PTPRT: variants seen among roughly 807,000 people sequenced by gnomAD.
The protein encoded by PTPRT is protein tyrosine phosphatase receptor type T.
A neutral mutation model predicts 176.8 loss-of-function variants in PTPRT; 56 were observed. That is an observed-to-expected ratio of 0.32 (90% CI 0.26 to 0.40). The LOEUF (loss-of-function observed/expected upper bound fraction) is 0.40. Ranked by LOEUF, PTPRT falls within the 10% of genes least tolerant of loss-of-function variation. PTPRT has a pLI of 1.00. For missense variants in PTPRT, 1,540 were observed against 1,908.2 expected, an observed-to-expected ratio of 0.81 and a Z score of 3.60; for synonymous variants, 783 against 739.0, an observed-to-expected ratio of 1.06 and a Z score of -0.96.
chr20:42,265,974 C>T (rs2056832591), intron 13 of PTPRT, among the ~76,000 whole-genome samples: 1 of 152,076 alleles, frequency 6.6e-6, no homozygotes, highest in African/African-American at 2.4e-5. Flanking sequence ...TAAAGAATTT[C>T]CAGCGAAATA....
chr20:42,518,164 C>T (rs996162355), intron 7 of PTPRT, among the ~76,000 whole-genome samples: 1 of 151,880 alleles, frequency 6.6e-6, no homozygotes, highest in African/African-American at 2.4e-5. Context: ...TGACTTTTGT[C>T]GGTATATTAA....
intron 9 of PTPRT, among the ~76,000 whole-genome samples, chr20:42,390,240 G>A (rs980854685): frequency 3.9e-5 from 6 of 152,154 alleles, no homozygotes; most frequent in Admixed American, 1.3e-4. Flanking sequence ...GAATCAACAC[G>A]TAGTAAAAGA....
intron 9 of PTPRT, among the ~76,000 whole-genome samples, chr20:42,371,062 A>G (rs1030667954): frequency 6.6e-6 from 1 of 152,206 alleles, no homozygotes; most frequent in Non-Finnish European, 1.5e-5. Flanking sequence ...ATGTGCCACA[A>G]TGGCTTTTAA....
intron 7 of PTPRT, among the ~76,000 whole-genome samples, chr20:42,634,383 T>A (rs570506953): frequency 6.6e-6 from 1 of 150,906 alleles, no homozygotes; most frequent in Non-Finnish European, 1.5e-5. Flanking sequence ...ATGATAGAGA[T>A]GACAGAGCTA....
At chr20:42,795,344 G>C (rs1043742135) in intron 2 of PTPRT, among the ~76,000 whole-genome samples, 3 of 152,168 alleles carry the variant, frequency 2.0e-5, no homozygotes, top group Non-Finnish European at 4.4e-5. Flanking sequence ...ATAATGCCTT[G>C]ATAAGCGCCT....
chr20:42,674,206 A>G (rs2146048804), intron 7 of PTPRT, among the ~76,000 whole-genome samples: 1 of 152,318 alleles, frequency 6.6e-6, no homozygotes, highest in African/African-American at 2.4e-5. Context: ...GCGATGCAGG[A>G]AGGAAGATTA....
chr20:42,707,566 C>A (rs189291436), intron 6 of PTPRT, among the ~76,000 whole-genome samples: 2 of 152,258 alleles, frequency 1.3e-5, no homozygotes, highest in Admixed American at 6.5e-5. Context: ...TGTGTGGCCT[C>A]TAGGAGCTGA....
At chr20:42,508,137 G>GTGTGTGTGTGTGTC (rs2080412668) in intron 7 of PTPRT, among the ~76,000 whole-genome samples, 7 of 150,670 alleles carry the variant, frequency 4.6e-5, no homozygotes, top group Non-Finnish European at 8.8e-5. Context: ...TTGTGTGTGT[G>GTGTGTGTGTGTGTC]TGTGTGTGTG....
intron 8 of PTPRT, among the ~76,000 whole-genome samples, chr20:42,466,921 G>A (rs556626218): frequency 6.6e-6 from 1 of 152,168 alleles, no homozygotes; most frequent in Non-Finnish European, 1.5e-5. Context: ...GAAGACTAAT[G>A]AGAACATGTC....
At chr20:42,967,914 G>C (rs1336457605) in intron 1 of PTPRT, among the ~76,000 whole-genome samples, 1 of 152,098 alleles carries the variant, frequency 6.6e-6, no homozygotes, top group East Asian at 1.9e-4. Flanking sequence ...AACCCAATGA[G>C]GGACATCAGG....
Position 43,189,863 on chromosome 20 carries a change from G to A in PTPRT, c.-130C>T. ...CGCGGCTGGCTCCGCTCGGGCTCCCGGAGCCGGCGCTCCTGCGTTCCAAGC... is the reference window on the plus strand; with the variant it reads ...CGCGGCTGGCTCCGCTCGGGCTCCCAGAGCCGGCGCTCCTGCGTTCCAAGC... On this transcript the variant is annotated 5_prime_UTR_variant, in exon 1 of 31. Transcript: ENST00000373187. The surrounding 1 kb of genome is among the most constrained non-coding windows in gnomAD (Gnocchi z 5.0). The A allele has an allele frequency of 7.0e-6, 2 of 286,720 alleles. No individual in the cohort carries two copies. The highest frequency in any genetic ancestry group is 1.0e-5 in the Non-Finnish European group (2 of 192,412). 17.8% of individuals were successfully genotyped at this position (286,720 alleles called of 1,614,324 possible). A position where few individuals can be genotyped will look rare whatever the true frequency, so the allele number is the denominator to read the frequency against.
At chr20:43,025,976 C>G (rs922687846) in intron 1 of PTPRT, among the ~76,000 whole-genome samples, 1 of 152,296 alleles carries the variant, frequency 6.6e-6, no homozygotes, top group Middle Eastern at 3.4e-3. Flanking sequence ...GCATCATTCA[C>G]TTGGATGTTT....
At chr20:42,451,935 T>A (rs899693091) in intron 8 of PTPRT, among the ~76,000 whole-genome samples, 2 of 152,096 alleles carry the variant, frequency 1.3e-5, no homozygotes, top group African/African-American at 4.8e-5. Context: ...AATGACTCTC[T>A]TAAAGACAAG....
At chr20:42,988,547 A>G (rs528521938) in intron 1 of PTPRT, among the ~76,000 whole-genome samples, 2 of 152,306 alleles carry the variant, frequency 1.3e-5, no homozygotes, top group South Asian at 4.1e-4. Context: ...GTCATACAAC[A>G]CATGGCAACT....
At chr20:42,419,362 G>A (rs188448558) in intron 9 of PTPRT, among the ~76,000 whole-genome samples, 4 of 152,300 alleles carry the variant, frequency 2.6e-5, no homozygotes, top group Admixed American at 6.5e-5. Flanking sequence ...TGAAGAGGGA[G>A]GAGCTTCAAG....
intron 1 of PTPRT, among the ~76,000 whole-genome samples, chr20:43,049,454 A>G (rs1666130554): frequency 6.6e-6 from 1 of 152,220 alleles, no homozygotes; most frequent in Admixed American, 6.5e-5. Context: ...GTATTTCCCA[A>G]GAAGAAGACA....
chr20:42,645,695 C>T (rs1397531270), intron 7 of PTPRT, among the ~76,000 whole-genome samples: 1 of 150,740 alleles, frequency 6.6e-6, no homozygotes, highest in Non-Finnish European at 1.5e-5. Context: ...TAGAGGAAAG[C>T]CACCCAGAGG....
chr20:42,653,545 C>T (rs2145976743), intron 7 of PTPRT, among the ~76,000 whole-genome samples: 1 of 152,256 alleles, frequency 6.6e-6, no homozygotes, highest in South Asian at 2.1e-4. Context: ...GGCTGGAGGT[C>T]AAGGAGAAGC....
intron 7 of PTPRT, among the ~76,000 whole-genome samples, chr20:42,593,724 A>G (rs1207976733): frequency 6.6e-6 from 1 of 152,210 alleles, no homozygotes; most frequent in East Asian, 1.9e-4. Context: ...CCGATTGCAC[A>G]AAGAATCCAG....
Sources: gnomAD v4.1 joint callset for allele counts (sites outside exome capture counted in the v4.1 genomes callset) on GRCh38, gnomAD v4.1.1 for gene constraint, Gnocchi (gnomAD v3.1) non-coding constraint, MANE v1.5 for transcripts, NCBI Gene and HGNC (gene_info 2026-07-23, HGNC 2026-07-21) for gene names.